The following PIK3R5 variants were observed in gnomAD, a reference collection of about 807,000 sequenced individuals.
PIK3R5 encodes the protein phosphoinositide 3-kinase regulatory subunit 5.
A neutral mutation model predicts 94.9 loss-of-function variants in PIK3R5; 32 were observed. The observed-to-expected ratio is 0.34, with a 90% CI of 0.25 to 0.45. The LOEUF is 0.45. Among genes scored for constraint, PIK3R5 ranks in the 20% least tolerant of loss-of-function variants. The pLI is 1.00. For synonymous variants in PIK3R5, 443 were observed against 479.4 expected (o/e 0.92, Z 0.99); for missense variants, 853 against 1,144.6 (o/e 0.75, Z 3.68).
At chr17:8,960,750 A>G (rs1047532330) in intron 1 of PIK3R5, among the ~76,000 whole-genome samples, 34 of 152,318 alleles carry the variant, frequency 2.2e-4, no homozygotes, top group African/African-American at 7.5e-4. Context: ...CACTCTAACA[A>G]GGAAACCACA....
intron 1 of PIK3R5, among the ~76,000 whole-genome samples, chr17:8,920,809 T>C (rs1171528325): frequency 6.6e-6 from 1 of 151,720 alleles, no homozygotes; most frequent in Non-Finnish European, 1.5e-5. Flanking sequence ...CAGGTCCATA[T>C]GTATATTAAG....
At chr17:8,953,701 G>A (rs1406687373) in intron 1 of PIK3R5, among the ~76,000 whole-genome samples, 3 of 152,186 alleles carry the variant, frequency 2.0e-5, no homozygotes, top group South Asian at 4.1e-4. Context: ...CACTGAAGAG[G>A]GGAAGTGGAC....
intron 3 of PIK3R5, among the ~76,000 whole-genome samples, chr17:8,908,530 AACACACACACAC>A (rs3138608): frequency 1.7e-4 from 23 of 136,580 alleles, no homozygotes; most frequent in Admixed American, 6.6e-4. Context: ...AAATAATTAA[AACACACACACAC>A]ACACACACAC....
In PIK3R5 at chr17:8,959,244, C is replaced by T. The variant is rs950860261; in HGVS notation, c.-14+6352G>A. 2.6e-5 allele frequency among the ~76,000 whole-genome samples: 4 copies of T among 152,208 alleles called. No homozygotes were observed. In the East Asian group the frequency reaches 7.7e-4, roughly 29 times the overall value. On this transcript the variant is annotated intron_variant, in intron 1 of 18. Transcript: ENST00000447110. ...TTTCATTATCCATCACTACCCCCAGCTTGCTTCTGACAACAGCTTCCTCCC... is the reference window on the plus strand; with the variant it reads ...TTTCATTATCCATCACTACCCCCAGTTTGCTTCTGACAACAGCTTCCTCCC...
Position 8,888,809 on chromosome 17 carries a change from CTCCTCT to C in PIK3R5, c.972_977del (p.Glu328_Glu329del). The C allele has an allele frequency of 1.2e-6, 2 of 1,610,318 alleles. No homozygotes were observed. The highest frequency in any genetic ancestry group is 1.7e-6 in the Non-Finnish European group (2 of 1,179,848). On this transcript the variant is annotated inframe_deletion, in exon 10 of 19. Coordinates refer to ENST00000447110, the MANE Select transcript of PIK3R5 (RefSeq NM_001142633.3). This position sits in a 1 kb window ranked among gnomAD's most constrained non-coding sequence, Gnocchi z 7.8. Reference sequence around the variant, plus strand: ...CCAAGTCCTCCTCCACCTCCTCCTCCTCCTCTTCCTCCTCTTCATCATCTCCCAGGA... The same window carrying C: ...CCAAGTCCTCCTCCACCTCCTCCTCCTCCTCCTCTTCATCATCTCCCAGGA...
At chr17:8,962,047 C>T (rs2091576170) in intron 1 of PIK3R5, among the ~76,000 whole-genome samples, 1 of 152,222 alleles carries the variant, frequency 6.6e-6, no homozygotes, top group African/African-American at 2.4e-5. Flanking sequence ...GCGCTTGACA[C>T]CCACAGGAAC....
intron 1 of PIK3R5, among the ~76,000 whole-genome samples, chr17:8,946,372 A>G (rs1040575452): frequency 1.3e-5 from 2 of 151,864 alleles, no homozygotes; most frequent in Admixed American, 6.6e-5. Flanking sequence ...TCCACCAGGC[A>G]CCTAAGAAAA....
rs4791766 is a variant in PIK3R5 at position 8,886,458 on chromosome 17, C to G, written c.2034+19G>C. The G allele has an allele frequency of 7.5e-6, 12 of 1,596,100 alleles. No homozygotes were observed. Among genetic ancestry groups the G allele is most frequent in the African/African-American group, 5.4e-5 (4 of 74,620 alleles). ...CCCGGCAGGTGGGGAAGAGGCGGTT[C>G]GGGGCAGGGAGGCCTTACCTCGGTC... On this transcript the variant is annotated intron_variant, in intron 13 of 18. Transcript: ENST00000447110.
intron 1 of PIK3R5, among the ~76,000 whole-genome samples, chr17:8,932,285 G>A (rs2090999986): frequency 6.6e-6 from 1 of 151,980 alleles, no homozygotes; most frequent in Non-Finnish European, 1.5e-5. Flanking sequence ...CCAGGCTGGA[G>A]TGCAGTGGCG....
Position 8,892,689 on chromosome 17 carries a change from C to T in PIK3R5, c.482+897G>A, listed in dbSNP as rs552522700. Among the ~76,000 whole-genome samples the T allele has an allele frequency of 2.0e-5, 3 of 152,272 alleles. No homozygotes were observed. The highest frequency in any genetic ancestry group is 4.1e-4 in the South Asian group (2 of 4,824). On this transcript the variant is annotated intron_variant, in intron 6 of 18. Transcript: ENST00000447110. The surrounding 1 kb of genome is among the most constrained non-coding windows in gnomAD (Gnocchi z 4.3). ...GCATCCTTTCCCTCTGTCTCAACAT[C>T]TATCATTTTGTTTGTGTTTGTTTTC...
At chr17:8,928,641 G>A (rs754854584) in intron 1 of PIK3R5, among the ~76,000 whole-genome samples, 5 of 152,214 alleles carry the variant, frequency 3.3e-5, no homozygotes, top group Non-Finnish European at 7.3e-5. Flanking sequence ...TCAGCCTAGA[G>A]TCCAATATCC....
intron 1 of PIK3R5, among the ~76,000 whole-genome samples, chr17:8,921,472 C>A (rs1017060512): frequency 3.9e-5 from 6 of 151,976 alleles, no homozygotes; most frequent in Admixed American, 2.6e-4. Flanking sequence ...AATTTTTCAC[C>A]CTCGAAATGT....
Position 8,890,890 on chromosome 17 carries a change from C to T in PIK3R5, c.505G>A (p.Val169Met). The T allele has an allele frequency of 6.2e-7, 1 of 1,613,882 alleles. No individual in the cohort carries two copies. The highest frequency in any genetic ancestry group is 8.5e-7 in the Non-Finnish European group (1 of 1,179,958). Residue 169 changes from valine (V) to methionine (M), a missense_variant, in exon 7 of 19, where the codon GTG becomes ATG. Transcript: ENST00000447110. This position sits in a 1 kb window ranked among gnomAD's most constrained non-coding sequence, Gnocchi z 6.1. Reference sequence around the variant, plus strand: ...GCAAGGAACTCGGCCTGCACTTCCACTGGGTTCAGCAGCAGCACGGTGCTG... The same window carrying T: ...GCAAGGAACTCGGCCTGCACTTCCATTGGGTTCAGCAGCAGCACGGTGCTG... ...STVTVLLLNP[V>M]EVQAEFLAVA...
chr17:8,881,099 C>T lies in PIK3R5; in HGVS notation c.2383-82G>A. The T allele has an allele frequency of 9.9e-7, 1 of 1,014,912 alleles. No individual in the cohort carries two copies. The highest frequency in any genetic ancestry group is 2.4e-5 in the East Asian group (1 of 42,070). 62.9% of individuals were successfully genotyped at this position (1,014,912 alleles called of 1,614,324 possible). A position where few individuals can be genotyped will look rare whatever the true frequency, so the allele number is the denominator to read the frequency against. On this transcript the variant is annotated intron_variant, in intron 17 of 18. Coordinates refer to ENST00000447110, the MANE Select transcript of PIK3R5 (RefSeq NM_001142633.3). This position sits in a 1 kb window ranked among gnomAD's most constrained non-coding sequence, Gnocchi z 4.8. The stretch of plus-strand genomic sequence containing the variant: ...CTGGCAGTTCCTTTTCTCAGAACTG[C>T]CCATCCACTTCTAGGGGTGTGGGAG...
chr17:8,920,345 C>T (rs765061282), intron 1 of PIK3R5, among the ~76,000 whole-genome samples: 20 of 152,300 alleles, frequency 1.3e-4, no homozygotes, highest in Non-Finnish European at 2.5e-4. Context: ...ACACATTTGA[C>T]TCTAAGACTG....
chr17:8,884,582 C>G lies in PIK3R5; in HGVS notation c.2205+125G>C, dbSNP rs2089763996. 1 of 716,620 alleles carries G rather than the reference C, an allele frequency of 1.4e-6. No homozygotes were observed. The highest frequency in any genetic ancestry group is 1.8e-5 in the African/African-American group (1 of 57,114). 44.4% of individuals were successfully genotyped at this position (716,620 alleles called of 1,614,324 possible). A position where few individuals can be genotyped will look rare whatever the true frequency, so the allele number is the denominator to read the frequency against. ...TTCTCTCAGCATCCAGGGGAGCCTG[C>G]TGCAGCCTTCCAGCGTAAAGACTGG... On this transcript the variant is annotated intron_variant, in intron 15 of 18. Transcript: ENST00000447110. This position sits in a 1 kb window ranked among gnomAD's most constrained non-coding sequence, Gnocchi z 5.8.
In PIK3R5 at chr17:8,884,349, C is replaced by T. The variant is rs1406431376; in HGVS notation, c.2205+358G>A. Among the ~76,000 whole-genome samples, 9 of 152,076 alleles carry T rather than the reference C, an allele frequency of 5.9e-5. No homozygotes were observed. On this transcript the variant is annotated intron_variant, in intron 15 of 18. Transcript: ENST00000447110. The surrounding 1 kb of genome is among the most constrained non-coding windows in gnomAD (Gnocchi z 5.8). Reference sequence around the variant, plus strand: ...CATCTTGCATGCAGCCTGCCAGGCACACTGGCCCCCCGAGACCCTGGCTTC... The same window carrying T: ...CATCTTGCATGCAGCCTGCCAGGCATACTGGCCCCCCGAGACCCTGGCTTC...
At position 8,892,942 on chromosome 17, in the gene PIK3R5, A is replaced by T. The variant is rs1028468198; in HGVS notation, c.482+644T>A. On this transcript the variant is annotated intron_variant, in intron 6 of 18. Transcript: ENST00000447110. This position sits in a 1 kb window ranked among gnomAD's most constrained non-coding sequence, Gnocchi z 4.3. Reference sequence around the variant, plus strand: ...TGCTTTTCAAACTGCAGGTCAGGACACAGGAGTGGGTAATGAAATCATCTG... The same window carrying T: ...TGCTTTTCAAACTGCAGGTCAGGACTCAGGAGTGGGTAATGAAATCATCTG... Among the ~76,000 whole-genome samples the T allele has an allele frequency of 1.3e-5, 2 of 152,210 alleles. No homozygotes were observed. The highest frequency in any genetic ancestry group is 6.5e-5 in the Admixed American group (1 of 15,286).
chr17:8,942,496 G>A (rs2091199966), intron 1 of PIK3R5, among the ~76,000 whole-genome samples: 1 of 152,172 alleles, frequency 6.6e-6, no homozygotes, highest in Non-Finnish European at 1.5e-5. Flanking sequence ...CCCTGACAGG[G>A]GCAGGTTCAA....
Sources: allele counts gnomAD v4.1 joint callset (sites outside exome capture counted in the v4.1 genomes callset), GRCh38; gene constraint gnomAD v4.1.1; non-coding constraint Gnocchi (gnomAD v3.1); transcripts MANE v1.5; gene names NCBI Gene and HGNC (gene_info 2026-07-23, HGNC 2026-07-21).